ANKRD26: variants seen among roughly 807,000 people sequenced by gnomAD.
ANKRD26 encodes the protein ankyrin repeat domain 26, also known as ankyrin repeat domain-containing protein 26.
ANKRD26 carries 141 observed loss-of-function variants against 208.7 expected under a neutral mutation model. That is an observed-to-expected ratio of 0.68 (90% CI 0.59 to 0.78). The LOEUF is 0.78. Ranked by LOEUF, ANKRD26 falls within the 30% of genes least tolerant of loss-of-function variation. The pLI is 0.00. For synonymous variants in ANKRD26, 636 were observed against 660.4 expected, an observed-to-expected ratio of 0.96 and a Z score of 0.57; for missense variants, 1,889 against 1,938.7, an observed-to-expected ratio of 0.97 and a Z score of 0.48.
intron 27 of ANKRD26, among the ~76,000 whole-genome samples, chr10:27,026,084 T>G (rs1398967709): frequency 6.6e-6 from 1 of 152,234 alleles, no homozygotes; most frequent in Admixed American, 6.5e-5. Flanking sequence ...GATTATTGAT[T>G]GTTTGCCTTT....
At position 27,048,852 on chromosome 10, in the gene ANKRD26, C is replaced by G; in HGVS notation, c.1763G>C (p.Gly588Ala). 4 of 1,613,100 alleles carry G rather than the reference C, an allele frequency of 2.5e-6. No individual in the cohort carries two copies. Among genetic ancestry groups the G allele is most frequent in the Non-Finnish European group, 3.4e-6 (4 of 1,179,656 alleles). ...DDGLIQKRKS[G>A]ETDHQQFPRK... The stretch of plus-strand genomic sequence containing the variant: ...GGGAAATTGCTGATGATCAGTTTCT[C>G]CACTCTTTCTTTTTTGAATTAATCC... The change falls in exon 17 of 34, where the codon GGA (glycine) becomes GCA (alanine). Residue 588 changes from glycine (G) to alanine (A), a missense_variant. Physicochemically the swap from Gly to Ala is moderately conservative, Grantham distance 60. This residue lies in a region of ANKRD26 where 1,272 missense variants were observed against 1,273.8 expected (regional missense o/e 1.00). Transcript: ENST00000376087.
intron 7 of ANKRD26, 95 bp from the exon 8 acceptor site, chr10:27,077,788 T>C (rs1359526359): frequency 8.1e-6 from 9 of 1,117,304 alleles, no homozygotes; most frequent in Non-Finnish European, 1.2e-5. Context: ...CTACATGATC[T>C]AACACAAAGA....
At chr10:27,018,173 C>T (rs918710144) in intron 29 of ANKRD26, among the ~76,000 whole-genome samples, 3 of 141,358 alleles carry the variant, frequency 2.1e-5, no homozygotes, top group East Asian at 4.4e-4. Flanking sequence ...CTTGCTCTGT[C>T]GCCCAGGCTG....
At chr10:27,066,216 T>C (rs557564910) in intron 11 of ANKRD26, 1 of 261,406 alleles carries the variant, frequency 3.8e-6, no homozygotes, top group South Asian at 1.2e-4. Context: ...CCCATACTGA[T>C]TCCATGTGAC....
chr10:27,077,342 A>C lies in ANKRD26; in HGVS notation c.1073T>G (p.Met358Arg), dbSNP rs772065964. 2.5e-6 allele frequency: 4 copies of C among 1,612,922 alleles called. No individual in the cohort carries two copies. The highest frequency in any genetic ancestry group is 1.7e-5 in the Admixed American group (1 of 60,022). ...SHKSLANPGL[M>R]KEEPTKPGIA... ...GTTTTTTAAAAAACAACTTACCTTC[A>C]TAAGACCAGGGTTTGCTAACGACTT... The change falls in exon 9 of 34, where the codon ATG (methionine) becomes AGG (arginine). Residue 358 changes from methionine to arginine, a missense_variant. Physicochemically the swap from Met to Arg is moderately conservative, Grantham distance 91 (BLOSUM62 -1). Transcript: ENST00000376087.
At chr10:26,952,071 T>C in the ANKRD26 span, among the ~76,000 whole-genome samples, 2 of 152,204 alleles carry the variant, frequency 1.3e-5, no homozygotes, top group Non-Finnish European at 2.9e-5. Context: ...CCTAATTTCT[T>C]CAGGGCCAGA....
chr10:26,948,508 C>T, the ANKRD26 span, among the ~76,000 whole-genome samples: 2 of 152,216 alleles, frequency 1.3e-5, no homozygotes, highest in African/African-American at 4.8e-5. Context: ...TGATCATCCA[C>T]ATTTTGATGC....
At chr10:26,969,718 AT>A (rs903210988), downstream of ANKRD26, among the ~76,000 whole-genome samples, 12 of 150,884 alleles carry the variant, frequency 8.0e-5, no homozygotes, top group African/African-American at 1.2e-4. Context: ...GTATTTATGC[AT>A]TTTTTTTCTT....
the ANKRD26 span, among the ~76,000 whole-genome samples, chr10:26,950,004 A>AT: frequency 6.6e-6 from 1 of 152,018 alleles, no homozygotes; most frequent in African/African-American, 2.4e-5. Flanking sequence ...AGCATTCTGC[A>AT]TTTTTCTGAT....
intron 32 of ANKRD26, among the ~76,000 whole-genome samples, chr10:27,009,259 G>A (rs1245296847): frequency 6.6e-6 from 1 of 152,220 alleles, no homozygotes; most frequent in Non-Finnish European, 1.5e-5. Flanking sequence ...CAGGAGGGAG[G>A]TGCTCTGGGA....
intron 4 of ANKRD26, among the ~76,000 whole-genome samples, chr10:26,996,692 A>G (rs958462799): frequency 2.0e-5 from 3 of 152,204 alleles, no homozygotes; most frequent in Non-Finnish European, 4.4e-5. Context: ...TACTGTCAAG[A>G]AGGATACTAT....
At chr10:27,039,415 C>T (rs1229918250) in intron 21 of ANKRD26, among the ~76,000 whole-genome samples, 2 of 150,500 alleles carry the variant, frequency 1.3e-5, no homozygotes, top group African/African-American at 4.9e-5. Flanking sequence ...GATTGCGCCA[C>T]TGCACTCCAG....
intron 5 of ANKRD26, among the ~76,000 whole-genome samples, chr10:26,976,318 G>A (rs1209226729): frequency 1.3e-5 from 2 of 151,950 alleles, no homozygotes; most frequent in Non-Finnish European, 2.9e-5. Context: ...AGGTTCAAGC[G>A]ATTCTCCTGC....
In ANKRD26 at chr10:27,005,672, T is replaced by C. The variant is rs772007481; in HGVS notation, c.5051A>G (p.Asp1684Gly). 2 of 1,613,048 alleles carry C rather than the reference T, an allele frequency of 1.2e-6. No homozygotes were observed. Among genetic ancestry groups the C allele is most frequent in the Non-Finnish European group, 1.7e-6 (2 of 1,179,446 alleles). The change falls in exon 34 of 34, where the codon GAT (aspartate) becomes GGT (glycine). Residue 1684 changes from aspartate to glycine, a missense_variant. By Grantham distance (94) the Asp-to-Gly change is moderately conservative. This residue lies in a region of ANKRD26 where 613 missense variants were observed against 648.2 expected (regional missense o/e 0.95). Transcript: ENST00000376087. ...TAGATCTTGATTTAGATTTGACTCA[T>C]CAGTAGACCCTAGAGGGGAAGCTAT... is the stretch of plus-strand genomic sequence containing the variant. Reference protein sequence around the residue: ...GSIASPLGSTDESNLNQDLVW... With the variant: ...GSIASPLGSTGESNLNQDLVW...
intron 10 of ANKRD26, 27 bp from the exon 11 acceptor site, chr10:27,066,575 T>A (rs1234593596): frequency 6.8e-7 from 1 of 1,480,284 alleles, no homozygotes; most frequent in South Asian, 1.2e-5. Flanking sequence ...ACAGATATAT[T>A]CATGAGAACA....
intron 28 of ANKRD26, 44 bp downstream of exon 28, chr10:27,024,403 C>T: frequency 9.6e-7 from 1 of 1,040,006 alleles, no homozygotes; most frequent in Non-Finnish European, 1.5e-6. Context: ...TATATTAAAT[C>T]AATTAATGAA....
intron 12 of ANKRD26, chr10:27,062,101 G>A (rs950670441): frequency 3.4e-5 from 33 of 984,962 alleles, no homozygotes; most frequent in Admixed American, 6.2e-5. Context: ...CCCCACTCAC[G>A]ATCTCTCTTC....
At chr10:26,957,792 A>G in the ANKRD26 span, among the ~76,000 whole-genome samples, 1 of 152,128 alleles carries the variant, frequency 6.6e-6, no homozygotes, top group Non-Finnish European at 1.5e-5. Flanking sequence ...AAATATATGA[A>G]AAGTGCTTAA....
At chr10:27,071,311 G>A (rs972348886) in intron 9 of ANKRD26, among the ~76,000 whole-genome samples, 36 of 149,660 alleles carry the variant, frequency 2.4e-4, no homozygotes, top group Admixed American at 6.7e-5. Flanking sequence ...GACTACAGGC[G>A]CCCGCCACCA....
Sources: gnomAD v4.1 joint callset for allele counts (sites outside exome capture counted in the v4.1 genomes callset) on GRCh38, gnomAD v4.1.1 for gene constraint, gnomAD v4.1.1 regional missense constraint, MANE v1.5 for transcripts, NCBI Gene and HGNC (gene_info 2026-07-23, HGNC 2026-07-21) for gene names.